KCNH5: variants seen among roughly 807,000 people sequenced by gnomAD.
KCNH5 encodes potassium voltage-gated channel subfamily H member 5, also known as voltage-gated delayed rectifier potassium channel KCNH5.
In KCNH5, 46 loss-of-function variants were observed where a neutral mutation model predicts 96.1. The ratio of observed to expected loss-of-function variants is 0.48; its 90% CI spans 0.38 to 0.61. The LOEUF (loss-of-function observed/expected upper bound fraction) is 0.61, where lower values mean the gene tolerates loss of function less well. Among genes scored for constraint, KCNH5 ranks in the 20% least tolerant of loss-of-function variants. KCNH5 has a pLI of 0.00. For missense variants in KCNH5, 907 were observed against 1,225.8 expected, an observed-to-expected ratio of 0.74 and a Z score of 3.88; for synonymous variants, 439 against 449.8, an observed-to-expected ratio of 0.98 and a Z score of 0.30.
chr14:62,806,830 A>T (rs1347057550), intron 8 of KCNH5, among the ~76,000 whole-genome samples: 1 of 152,228 alleles, frequency 6.6e-6, no homozygotes, highest in East Asian at 1.9e-4. Context: ...GTTTGGCACT[A>T]TGGGATGTTA....
intron 7 of KCNH5, among the ~76,000 whole-genome samples, chr14:62,851,210 A>G (rs1363384983): frequency 1.3e-5 from 2 of 152,164 alleles, no homozygotes; most frequent in African/African-American, 2.4e-5. Context: ...TTTTTAAGAC[A>G]GATTTTGTTA....
chr14:62,769,211 C>G (rs1885933312), intron 10 of KCNH5, among the ~76,000 whole-genome samples: 1 of 152,242 alleles, frequency 6.6e-6, no homozygotes. Flanking sequence ...CGCCATCACG[C>G]CTGTGGCGTG....
intron 9 of KCNH5, among the ~76,000 whole-genome samples, chr14:62,796,879 T>C (rs990161414): frequency 6.6e-6 from 1 of 152,210 alleles, no homozygotes; most frequent in Non-Finnish European, 1.5e-5. Flanking sequence ...GAGAGGGAGC[T>C]TTCAGGTCAC....
chr14:63,036,967 A>G (rs983249083), intron 1 of KCNH5, among the ~76,000 whole-genome samples: 2 of 152,190 alleles, frequency 1.3e-5, no homozygotes, highest in Non-Finnish European at 2.9e-5. Flanking sequence ...AATTTTCAGC[A>G]TTATGGAGGA....
intron 8 of KCNH5, among the ~76,000 whole-genome samples, chr14:62,804,791 G>C (rs1462017874): frequency 6.6e-6 from 1 of 152,184 alleles, no homozygotes; most frequent in Non-Finnish European, 1.5e-5. Context: ...GGCATGAGTT[G>C]AGCCTAGTTT....
rs540535364 is a variant in KCNH5, at chr14:63,009,254, T to C, written c.198-2782A>G. ...TTTAAAAAAGAAGCTCTTTGAGGGA[T>C]TGGTTTAATAACACCAACGAAGAAA... On this transcript the variant is annotated intron_variant, in intron 2 of 10. Transcript: ENST00000322893. Among the ~76,000 whole-genome samples, 28 of 152,286 alleles carry C rather than the reference T, an allele frequency of 1.8e-4. No individual in the cohort carries two copies. In the South Asian group the frequency reaches 5.8e-3, roughly 32 times the overall value.
At chr14:62,965,256 A>G (rs1385719617) in intron 6 of KCNH5, among the ~76,000 whole-genome samples, 1 of 152,028 alleles carries the variant, frequency 6.6e-6, no homozygotes, top group Non-Finnish European at 1.5e-5. Context: ...GTGTTGGAAC[A>G]TGGGGCCTAG....
intron 7 of KCNH5, among the ~76,000 whole-genome samples, chr14:62,945,803 T>C (rs1171889720): frequency 6.6e-6 from 1 of 152,008 alleles, no homozygotes; most frequent in African/African-American, 2.4e-5. Flanking sequence ...ACAAAGACTC[T>C]GAGACAGGCC....
intron 7 of KCNH5, among the ~76,000 whole-genome samples, chr14:62,943,451 T>C (rs1012300787): frequency 6.6e-6 from 1 of 152,130 alleles, no homozygotes; most frequent in Admixed American, 6.6e-5. Flanking sequence ...AAATCTAATA[T>C]TATTAGGGGC....
intron 7 of KCNH5, among the ~76,000 whole-genome samples, chr14:62,854,310 AT>A (rs1455358157): frequency 6.6e-6 from 1 of 152,140 alleles, no homozygotes; most frequent in Middle Eastern, 3.4e-3. Flanking sequence ...GTGTTCAAAT[AT>A]TTTTTTCCTG....
intron 7 of KCNH5, among the ~76,000 whole-genome samples, chr14:62,886,032 T>G (rs980133083): frequency 3.2e-4 from 48 of 152,300 alleles, no homozygotes; most frequent in African/African-American, 1.1e-3. Context: ...TGCCAACACC[T>G]GTCTGTTTGC....
chr14:62,942,750 T>C (rs1432075096), intron 7 of KCNH5, among the ~76,000 whole-genome samples: 1 of 152,198 alleles, frequency 6.6e-6, no homozygotes, highest in Non-Finnish European at 1.5e-5. Context: ...ACCAATTACA[T>C]CCTATTTGAA....
intron 1 of KCNH5, among the ~76,000 whole-genome samples, chr14:63,043,070 C>T (rs538809284): frequency 6.6e-6 from 1 of 152,212 alleles, no homozygotes; most frequent in East Asian, 1.9e-4. Context: ...ATAAAATACT[C>T]ATTAATTTGA....
intron 8 of KCNH5, among the ~76,000 whole-genome samples, chr14:62,833,575 CTTTG>C (rs1339339536): frequency 1.3e-5 from 2 of 151,922 alleles, no homozygotes; most frequent in Non-Finnish European, 2.9e-5. Context: ...ATGCCTTTAG[CTTTG>C]TTTTTCTTTC....
chr14:63,038,173 A>G (rs548168447), intron 1 of KCNH5, among the ~76,000 whole-genome samples: 26 of 152,358 alleles, frequency 1.7e-4, no homozygotes, highest in Admixed American at 1.4e-3. Context: ...CTCACTTAAT[A>G]GATTTAATCA....
intron 8 of KCNH5, among the ~76,000 whole-genome samples, chr14:62,810,959 A>G (rs1241885131): frequency 6.6e-6 from 1 of 152,064 alleles, no homozygotes; most frequent in Non-Finnish European, 1.5e-5. Context: ...GTGACCACAG[A>G]AGGGACTGTA....
intron 7 of KCNH5, among the ~76,000 whole-genome samples, chr14:62,881,541 G>A (rs747144368): frequency 1.1e-4 from 16 of 152,104 alleles, no homozygotes; most frequent in Non-Finnish European, 1.9e-4. Flanking sequence ...GGCTTAATAC[G>A]TGGGTGATGA....
At chr14:63,040,250 A>G (rs1178144117) in intron 1 of KCNH5, among the ~76,000 whole-genome samples, 2 of 152,174 alleles carry the variant, frequency 1.3e-5, no homozygotes, top group Non-Finnish European at 2.9e-5. Context: ...GCCTAGGTAG[A>G]TGGATGTCTT....
At chr14:62,742,277 T>C (rs1032684612) in intron 10 of KCNH5, among the ~76,000 whole-genome samples, 4 of 152,226 alleles carry the variant, frequency 2.6e-5, no homozygotes, top group South Asian at 2.1e-4. Flanking sequence ...CAAATTAACA[T>C]AATTAAATTT....
Sources: gnomAD v4.1 joint callset for allele counts (sites outside exome capture counted in the v4.1 genomes callset) on GRCh38, gnomAD v4.1.1 for gene constraint, MANE v1.5 for transcripts, NCBI Gene and HGNC (gene_info 2026-07-23, HGNC 2026-07-21) for gene names.